PTPRK: variants seen among roughly 807,000 people sequenced by gnomAD.
PTPRK encodes the protein protein tyrosine phosphatase receptor type K, also known as receptor-type tyrosine-protein phosphatase kappa.
A neutral mutation model predicts 178.0 loss-of-function variants in PTPRK; 75 were observed. That is an observed-to-expected ratio of 0.42 (90% CI 0.35 to 0.51). The LOEUF is 0.51. Among genes scored for constraint, PTPRK ranks in the 20% least tolerant of loss-of-function variants. PTPRK has a pLI of 0.02. For synonymous variants in PTPRK, 637 were observed against 620.6 expected (o/e 1.03, Z -0.39); for missense variants, 1,441 against 1,797.8 (o/e 0.80, Z 3.59).
chr6:127,999,402 C>T (rs1347373936), intron 15 of PTPRK, among the ~76,000 whole-genome samples: 1 of 152,034 alleles, frequency 6.6e-6, no homozygotes, highest in Non-Finnish European at 1.5e-5. Flanking sequence ...CTTTTTACCA[C>T]AACACACTCT....
chr6:128,430,692 C>T (rs949300892), intron 1 of PTPRK, among the ~76,000 whole-genome samples: 38 of 152,086 alleles, frequency 2.5e-4, no homozygotes, highest in East Asian at 1.4e-3. Flanking sequence ...TAAGGTTTGA[C>T]GTTGAAATAT....
At chr6:127,980,007 T>C (rs1358047011) in intron 25 of PTPRK, among the ~76,000 whole-genome samples, 1 of 151,964 alleles carries the variant, frequency 6.6e-6, no homozygotes, top group Non-Finnish European at 1.5e-5. Flanking sequence ...TGAAATCTCA[T>C]CTCTACTAAA....
chr6:128,398,419 G>T (rs979366381), intron 1 of PTPRK, among the ~76,000 whole-genome samples: 5 of 152,278 alleles, frequency 3.3e-5, no homozygotes, highest in Admixed American at 3.3e-4. Flanking sequence ...GACGTCAGGT[G>T]AATCAGCCTT....
chr6:128,411,669 G>T (rs1235036185), intron 1 of PTPRK, among the ~76,000 whole-genome samples: 1 of 152,128 alleles, frequency 6.6e-6, no homozygotes, highest in Non-Finnish European at 1.5e-5. Context: ...AAAATATTTG[G>T]TCAGAACACA....
chr6:128,008,997 G>T, intron 14 of PTPRK, 133 bp downstream of exon 14: 1 of 710,118 alleles, frequency 1.4e-6, no homozygotes, highest in Non-Finnish European at 2.2e-6. Context: ...AGACTCAGGT[G>T]CTGACAACAT....
chr6:128,054,884 A>G (rs1053185358), intron 13 of PTPRK, among the ~76,000 whole-genome samples: 1 of 152,180 alleles, frequency 6.6e-6, no homozygotes, highest in African/African-American at 2.4e-5. Context: ...GCCACAGGTC[A>G]TGAGGATATG....
intron 2 of PTPRK, among the ~76,000 whole-genome samples, chr6:128,355,844 A>G (rs1339568569): frequency 1.3e-5 from 2 of 152,236 alleles, no homozygotes; most frequent in Non-Finnish European, 1.5e-5. Flanking sequence ...ATTCTTTACC[A>G]AAGTTCCCAA....
chr6:128,489,827 C>G (rs898576447), intron 1 of PTPRK, among the ~76,000 whole-genome samples: 20 of 152,146 alleles, frequency 1.3e-4, no homozygotes. Flanking sequence ...TTTCCCAGAT[C>G]AACCCTAATG....
chr6:128,435,656 A>G (rs1021930684), intron 1 of PTPRK, among the ~76,000 whole-genome samples: 1 of 152,178 alleles, frequency 6.6e-6, no homozygotes, highest in Non-Finnish European at 1.5e-5. Flanking sequence ...TACTTGAAAG[A>G]GAAATGCTAA....
In PTPRK at chr6:127,982,865, T is replaced by A; in HGVS notation, c.3503A>T (p.Gln1168Leu). ...AYFDMIRIDSQTNSSHLKDEF... is the reference protein window; with the variant it reads ...AYFDMIRIDSLTNSSHLKDEF... ...ATCCTTGAGATGTGAAGAGTTAGTC[T>A]GGGAGTCTATTCTAATCATATCAAA... The change falls in exon 24 of 30, where the codon CAG (glutamine) becomes CTG (leucine). Residue 1168 changes from glutamine (Q) to leucine (L), a missense_variant. By Grantham distance (113) the Gln-to-Leu change is moderately radical. Coordinates refer to ENST00000368226, the MANE Select transcript of PTPRK (RefSeq NM_002844.4). 1 of 1,612,194 alleles carries A rather than the reference T, an allele frequency of 6.2e-7. No individual in the cohort carries two copies.
chr6:128,212,236 T>A (rs1309835517), intron 6 of PTPRK, among the ~76,000 whole-genome samples: 1 of 152,024 alleles, frequency 6.6e-6, no homozygotes, highest in Non-Finnish European at 1.5e-5. Context: ...TGTATGCGAT[T>A]TTTTTGGCAT....
At chr6:128,412,884 G>A (rs533096050) in intron 1 of PTPRK, among the ~76,000 whole-genome samples, 1 of 152,210 alleles carries the variant, frequency 6.6e-6, no homozygotes, top group East Asian at 1.9e-4. Context: ...AGGGAGGCAT[G>A]GTCTCATTTC....
chr6:128,314,379 G>A (rs1827710716), intron 3 of PTPRK, among the ~76,000 whole-genome samples: 1 of 152,142 alleles, frequency 6.6e-6, no homozygotes, highest in Admixed American at 6.5e-5. Flanking sequence ...GCATGGATTA[G>A]GTTGCTCAAT....
chr6:128,111,657 T>C (rs773584785), intron 7 of PTPRK, among the ~76,000 whole-genome samples: 15 of 150,784 alleles, frequency 9.9e-5, no homozygotes, highest in Non-Finnish European at 1.9e-4. Flanking sequence ...AGAGTCACTC[T>C]CTCTCACCCA....
At chr6:128,233,230 C>T (rs984131779) in intron 5 of PTPRK, among the ~76,000 whole-genome samples, 5 of 152,142 alleles carry the variant, frequency 3.3e-5, no homozygotes, top group Non-Finnish European at 1.5e-5. Context: ...CACTGTGAGC[C>T]GTAACTACTA....
At chr6:128,358,766 C>T (rs931432749) in intron 2 of PTPRK, among the ~76,000 whole-genome samples, 5 of 152,170 alleles carry the variant, frequency 3.3e-5, no homozygotes, top group Admixed American at 3.3e-4. Flanking sequence ...ATATCCAGTG[C>T]ATTACCTCAG....
At chr6:128,108,196 T>A (rs889054227) in intron 7 of PTPRK, among the ~76,000 whole-genome samples, 1 of 152,036 alleles carries the variant, frequency 6.6e-6, no homozygotes, top group Non-Finnish European at 1.5e-5. Flanking sequence ...ATTGACTTTT[T>A]AAAAATCGTA....
chr6:128,078,350 A>G (rs1784201312), intron 11 of PTPRK, among the ~76,000 whole-genome samples: 1 of 152,054 alleles, frequency 6.6e-6, no homozygotes, highest in African/African-American at 2.4e-5. Context: ...CCTGACAGAA[A>G]TTCTCCAATG....
chr6:128,059,100 CTG>C (rs1201438747), intron 13 of PTPRK, among the ~76,000 whole-genome samples: 2 of 152,082 alleles, frequency 1.3e-5, no homozygotes, highest in African/African-American at 4.8e-5. Flanking sequence ...CATCCAGGAA[CTG>C]TATTTTAAGA....
Sources: gnomAD v4.1 joint callset for allele counts (sites outside exome capture counted in the v4.1 genomes callset) on GRCh38, gnomAD v4.1.1 for gene constraint, MANE v1.5 for transcripts, NCBI Gene and HGNC (gene_info 2026-07-23, HGNC 2026-07-21) for gene names.